Variants in TSHZ2 observed in about 807,000 individuals in gnomAD.
TSHZ2 encodes teashirt homolog 2.
Under a neutral mutation model 74.4 loss-of-function variants are expected in TSHZ2, and 21 were observed. The ratio of observed to expected loss-of-function variants is 0.28; its 90% CI spans 0.20 to 0.41. TSHZ2 has a LOEUF of 0.41. Ranked by LOEUF, TSHZ2 falls within the 10% of genes least tolerant of loss-of-function variation. TSHZ2 has a pLI of 1.00. For missense variants in TSHZ2, 1,244 were observed against 1,293.5 expected, an observed-to-expected ratio of 0.96 and a Z score of 0.59; for synonymous variants, 540 against 515.3, an observed-to-expected ratio of 1.05 and a Z score of -0.65.
At chr20:53,455,357 G>C (rs1985016927) in intron 2 of TSHZ2, 1 of 151,996 alleles carries the variant, frequency 6.6e-6, no homozygotes, top group South Asian at 2.1e-4. Flanking sequence ...TTGTTCCTTG[G>C]TGTGTCCTCT....
intron 2 of TSHZ2, among the ~76,000 whole-genome samples, chr20:53,283,824 C>T (rs1991110722): frequency 6.6e-6 from 1 of 152,206 alleles, no homozygotes; most frequent in Non-Finnish European, 1.5e-5. Context: ...TGGTCTGACT[C>T]TCCAAGATAA....
intron 1 of TSHZ2, among the ~76,000 whole-genome samples, chr20:53,165,207 G>A (rs995485458): frequency 5.3e-5 from 8 of 152,166 alleles, no homozygotes; most frequent in African/African-American, 9.6e-5. Flanking sequence ...AAATTTGGAC[G>A]CAAGGTTTTA....
intron 2 of TSHZ2, among the ~76,000 whole-genome samples, chr20:53,276,574 T>C (rs1990950466): frequency 6.6e-6 from 1 of 152,230 alleles, no homozygotes; most frequent in Non-Finnish European, 1.5e-5. Flanking sequence ...TGGGGATAAC[T>C]GTTCTACCTC....
At chr20:53,042,574 G>A (rs149875797) in intron 1 of TSHZ2, among the ~76,000 whole-genome samples, 5 of 152,192 alleles carry the variant, frequency 3.3e-5, no homozygotes, top group African/African-American at 9.6e-5. Context: ...AGATCATAGG[G>A]AATGATGGAA....
At position 53,306,364 on chromosome 20, in the gene TSHZ2, G is replaced by A. The variant is rs78168269; in HGVS notation, c.*8+49793G>A. 5.2e-3 allele frequency among the ~76,000 whole-genome samples: 785 copies of A among 152,282 alleles called. 2 individuals carry two copies. The highest frequency in any genetic ancestry group is 8.7e-3 in the South Asian group (42 of 4,826). On this transcript the variant is annotated intron_variant, in intron 2 of 2. Transcript: ENST00000371497. ...AGATGAAAGTGAGGCTGTGAAAAAC[G>A]TGTATTTTGCTTCTCCAGCCCCTAC... is the stretch of plus-strand genomic sequence containing the variant.
intron 1 of TSHZ2, among the ~76,000 whole-genome samples, chr20:53,025,932 C>G (rs1038861341): frequency 6.6e-6 from 1 of 152,152 alleles, no homozygotes; most frequent in Non-Finnish European, 1.5e-5. Context: ...TTCACCCAGA[C>G]AGTAGTCCCT....
intron 1 of TSHZ2, among the ~76,000 whole-genome samples, chr20:53,168,023 C>A (rs1453788294): frequency 6.6e-6 from 1 of 152,158 alleles, no homozygotes; most frequent in Non-Finnish European, 1.5e-5. Context: ...TCATGGGCAA[C>A]CTGATTTGTT....
chr20:53,232,726 C>T lies in TSHZ2; in HGVS notation c.41-20773C>T, dbSNP rs552602208. The stretch of plus-strand genomic sequence containing the variant: ...GCCTGGGCAACAGAGCGAGACCCCC[C>T]CTCTAGAAAAAAAGAAAATTATTAT... On this transcript the variant is annotated intron_variant, in intron 1 of 2. Coordinates refer to ENST00000371497, the MANE Select transcript of TSHZ2 (RefSeq NM_173485.6). 2.0e-5 allele frequency among the ~76,000 whole-genome samples: 3 copies of T among 152,196 alleles called. No homozygotes were observed. In the South Asian group the frequency reaches 6.2e-4, roughly 32 times the overall value.
At chr20:53,044,235 A>G (rs1396601441) in intron 1 of TSHZ2, among the ~76,000 whole-genome samples, 1 of 152,238 alleles carries the variant, frequency 6.6e-6, no homozygotes, top group Non-Finnish European at 1.5e-5. Context: ...TCTGAACGTC[A>G]TATCAGCTCT....
intron 1 of TSHZ2, among the ~76,000 whole-genome samples, chr20:52,998,719 C>G (rs532161235): frequency 6.6e-6 from 1 of 152,162 alleles, no homozygotes; most frequent in Non-Finnish European, 1.5e-5. Flanking sequence ...GAACCATGTC[C>G]AGTTTTATGA....
chr20:53,430,660 T>C (rs1038358098), intron 2 of TSHZ2, among the ~76,000 whole-genome samples: 2 of 151,866 alleles, frequency 1.3e-5, no homozygotes, highest in African/African-American at 4.8e-5. Flanking sequence ...TGAGACCCCA[T>C]CTCTTCTAAA....
At chr20:53,136,562 GT>G (rs1297494746) in intron 1 of TSHZ2, among the ~76,000 whole-genome samples, 2 of 152,122 alleles carry the variant, frequency 1.3e-5, no homozygotes, top group African/African-American at 2.4e-5. Context: ...TCTTAATTCT[GT>G]TTTATAGAAG....
At chr20:53,240,564 C>G (rs1383046063) in intron 1 of TSHZ2, among the ~76,000 whole-genome samples, 1 of 152,076 alleles carries the variant, frequency 6.6e-6, no homozygotes, top group African/African-American at 2.4e-5. Context: ...GATGCTTTTC[C>G]AGGAACTCAG....
At chr20:53,395,375 G>A (rs1020680432) in intron 2 of TSHZ2, among the ~76,000 whole-genome samples, 2 of 152,146 alleles carry the variant, frequency 1.3e-5, no homozygotes, top group Non-Finnish European at 2.9e-5. Context: ...GAAAGGGTTG[G>A]GTGTGTTCAA....
At chr20:53,137,893 TGTG>T (rs1987287088) in intron 1 of TSHZ2, among the ~76,000 whole-genome samples, 1 of 152,184 alleles carries the variant, frequency 6.6e-6, no homozygotes, top group African/African-American at 2.4e-5. Flanking sequence ...TTTGAATAGT[TGTG>T]GTATTTTTAG....
At chr20:53,032,472 A>T (rs995964702) in intron 1 of TSHZ2, among the ~76,000 whole-genome samples, 1 of 152,338 alleles carries the variant, frequency 6.6e-6, no homozygotes, top group Admixed American at 6.5e-5. Flanking sequence ...CTCTTGATTG[A>T]TGCCAAAAAT....
intron 1 of TSHZ2, among the ~76,000 whole-genome samples, chr20:53,125,687 A>G (rs761870310): frequency 2.0e-5 from 3 of 152,170 alleles, no homozygotes; most frequent in Non-Finnish European, 4.4e-5. Context: ...AATAAAATAT[A>G]TAAAAGATTA....
intron 2 of TSHZ2, among the ~76,000 whole-genome samples, chr20:53,441,226 T>G (rs879710266): frequency 0.12 from 4,998 of 40,222 alleles, 102 homozygotes; most frequent in Admixed American, 0.15. Flanking sequence ...TATTTGTTTA[T>G]TTTATTTTAT....
intron 2 of TSHZ2, among the ~76,000 whole-genome samples, chr20:53,425,081 G>A (rs373838267): frequency 2.6e-5 from 4 of 152,194 alleles, no homozygotes; most frequent in Admixed American, 6.5e-5. Flanking sequence ...GTATATAACT[G>A]GTAATGGGAT....
Sources: allele counts gnomAD v4.1 joint callset (sites outside exome capture counted in the v4.1 genomes callset), GRCh38; gene constraint gnomAD v4.1.1; transcripts MANE v1.5; gene names NCBI Gene and HGNC (gene_info 2026-07-23, HGNC 2026-07-21).